The following ZNF280D variants were observed in gnomAD, a reference collection of about 807,000 sequenced individuals.
ZNF280D encodes suppressor of hairy wing homolog 4.
ZNF280D carries 39 observed loss-of-function variants against 94.7 expected under a neutral mutation model. That is an observed-to-expected ratio of 0.41 (90% CI 0.32 to 0.54). The LOEUF (loss-of-function observed/expected upper bound fraction) is 0.54. Among genes scored for constraint, ZNF280D ranks in the 20% least tolerant of loss-of-function variants. The pLI is 0.22. For missense variants in ZNF280D, 1,090 were observed against 1,149.3 expected, an observed-to-expected ratio of 0.95 and a Z score of 0.75; for synonymous variants, 398 against 377.6, an observed-to-expected ratio of 1.05 and a Z score of -0.63.
At chr15:56,731,588 G>C (rs1354700929) in intron 1 of ZNF280D, among the ~76,000 whole-genome samples, 1 of 150,252 alleles carries the variant, frequency 6.7e-6, no homozygotes, top group Non-Finnish European at 1.5e-5. Flanking sequence ...CACCACGTTA[G>C]ATTTTAAGGA....
chr15:56,715,305 T>C (rs1210765381), intron 1 of ZNF280D, among the ~76,000 whole-genome samples: 5 of 152,112 alleles, frequency 3.3e-5, no homozygotes, highest in Non-Finnish European at 7.4e-5. Flanking sequence ...ACATGTTTAC[T>C]GAAAATGGTT....
intron 4 of ZNF280D, among the ~76,000 whole-genome samples, chr15:56,702,986 C>A (rs1257772600): frequency 1.3e-5 from 2 of 150,740 alleles, no homozygotes; most frequent in South Asian, 2.1e-4. Context: ...ACATAAAATT[C>A]TTTGGTAAAT....
intron 3 of ZNF280D, among the ~76,000 whole-genome samples, chr15:56,705,601 C>T (rs1172796241): frequency 6.6e-6 from 1 of 152,170 alleles, no homozygotes; most frequent in Non-Finnish European, 1.5e-5. Flanking sequence ...CACCTAAAAT[C>T]AAGTGGATAC....
At chr15:56,674,716 A>G (rs1438031349) in intron 13 of ZNF280D, among the ~76,000 whole-genome samples, 2 of 152,114 alleles carry the variant, frequency 1.3e-5, no homozygotes, top group African/African-American at 4.8e-5. Flanking sequence ...CTGCTGCCAT[A>G]AGGTAAGTAA....
intron 6 of ZNF280D, among the ~76,000 whole-genome samples, chr15:56,696,639 A>G (rs970346915): frequency 3.5e-4 from 53 of 152,336 alleles, no homozygotes; most frequent in Non-Finnish European, 7.1e-4. Context: ...CACACAAAAT[A>G]TGACATAAAA....
chr15:56,717,598 A>G (rs1468987842), intron 1 of ZNF280D, among the ~76,000 whole-genome samples: 1 of 152,060 alleles, frequency 6.6e-6, no homozygotes. Context: ...TTATAAAATA[A>G]TTGTAATTAG....
intron 20 of ZNF280D, among the ~76,000 whole-genome samples, 172 bp downstream of exon 20, chr15:56,642,780 C>T (rs1450139638): frequency 6.6e-6 from 1 of 151,502 alleles, no homozygotes; most frequent in Non-Finnish European, 1.5e-5. Flanking sequence ...TTACTTAGGG[C>T]TAGATATTTT....
At chr15:56,683,359 TA>T (rs376795884) in intron 9 of ZNF280D, among the ~76,000 whole-genome samples, 1,639 of 152,188 alleles carry the variant, frequency 0.011, 20 homozygotes, top group African/African-American at 0.037. Flanking sequence ...AGCTTAGATT[TA>T]AGGTTTTATA....
intron 20 of ZNF280D, among the ~76,000 whole-genome samples, chr15:56,639,743 A>C (rs894436197): frequency 2.6e-5 from 4 of 152,194 alleles, no homozygotes; most frequent in Admixed American, 6.6e-5. Context: ...AAAGATGCAC[A>C]CCTTCTCAGG....
intron 1 of ZNF280D, among the ~76,000 whole-genome samples, chr15:56,708,594 C>T (rs1204188870): frequency 1.3e-5 from 2 of 152,094 alleles, no homozygotes; most frequent in African/African-American, 4.8e-5. Context: ...TGAAAGATAC[C>T]TGACTTCAAA....
intron 19 of ZNF280D, among the ~76,000 whole-genome samples, chr15:56,650,027 T>C (rs1265657590): frequency 6.6e-6 from 1 of 152,062 alleles, no homozygotes; most frequent in African/African-American, 2.4e-5. Context: ...ATATACATGA[T>C]ATTAGTGGTT....
chr15:56,633,523 C>T lies in ZNF280D; in HGVS notation c.2316-1401G>A, dbSNP rs183609077. The stretch of plus-strand genomic sequence containing the variant: ...TTTTTTTTGAGGGGGGACAGTCTCA[C>T]TGTGACGTCCAGGGTGGGGTGCAGT... On this transcript the variant is annotated intron_variant, in intron 21 of 21. Transcript: ENST00000267807. 2.6e-5 allele frequency among the ~76,000 whole-genome samples: 4 copies of T among 151,768 alleles called. No individual in the cohort carries two copies. The South Asian group carries it at 6.2e-4, about 24-fold the overall frequency.
intron 19 of ZNF280D, among the ~76,000 whole-genome samples, chr15:56,650,084 G>A (rs2053120366): frequency 6.6e-6 from 1 of 152,014 alleles, no homozygotes; most frequent in South Asian, 2.1e-4. Flanking sequence ...AAAAAATGTG[G>A]ATTCAGTGTC....
intron 20 of ZNF280D, among the ~76,000 whole-genome samples, chr15:56,642,205 A>T (rs2052663165): frequency 6.6e-6 from 1 of 151,812 alleles, no homozygotes; most frequent in South Asian, 2.1e-4. Context: ...TGTTAAAGAA[A>T]TTTGTAGTTG....
intron 1 of ZNF280D, among the ~76,000 whole-genome samples, chr15:56,711,695 C>T (rs2057767526): frequency 6.6e-6 from 1 of 152,108 alleles, no homozygotes; most frequent in Admixed American, 6.5e-5. Flanking sequence ...GATCCCAATT[C>T]TGTTATACTG....
At position 56,731,222 on chromosome 15, in the gene ZNF280D, G is replaced by A. The variant is rs936216299; in HGVS notation, c.-86+2236C>T. Among the ~76,000 whole-genome samples the A allele has an allele frequency of 5.3e-5, 8 of 152,182 alleles. 1 individual carries two copies. The highest frequency in any genetic ancestry group is 4.6e-4 in the Admixed American group (7 of 15,294). On this transcript the variant is annotated intron_variant, in intron 1 of 21. Coordinates refer to ENST00000267807, the MANE Select transcript of ZNF280D (RefSeq NM_017661.4). ...CAGGTCTCTTCAAAAGGTCAATTTC[G>A]CCCAGTGCTGTGGCTCACATCTGTA...
chr15:56,710,763 G>A (rs554283), intron 1 of ZNF280D, among the ~76,000 whole-genome samples: 2,175 of 151,974 alleles, frequency 0.014, 49 homozygotes, highest in African/African-American at 0.05. Context: ...TACTGCTGCC[G>A]TGTTAAATAA....
rs1438431455 is a variant in ZNF280D at position 56,733,480 on chromosome 15, G to A, written c.-108C>T. 2.7e-6 allele frequency: 3 copies of A among 1,124,702 alleles called. No individual in the cohort carries two copies. In the African/African-American group the frequency reaches 5.2e-5, roughly 19 times the overall value. The allele number at this position is 1,124,702 out of a possible 1,614,324, so 69.7% of individuals were successfully genotyped here. A position where few individuals can be genotyped will look rare whatever the true frequency, so the allele number is the denominator to read the frequency against. On this transcript the variant is annotated 5_prime_UTR_variant, in exon 1 of 22. Transcript: ENST00000267807. The stretch of plus-strand genomic sequence containing the variant: ...TACCGTGAGCGGAGCGGATCGGCCT[G>A]ACTGGAGCCCTGAGGAGGAGGAGAA...
intron 1 of ZNF280D, among the ~76,000 whole-genome samples, chr15:56,712,896 A>G (rs1302179714): frequency 2.6e-5 from 4 of 151,876 alleles, no homozygotes; most frequent in African/African-American, 7.3e-5. Flanking sequence ...GCGCACCATC[A>G]TGCCCAACTA....
Sources: gnomAD v4.1 joint callset for allele counts (sites outside exome capture counted in the v4.1 genomes callset) on GRCh38, gnomAD v4.1.1 for gene constraint, MANE v1.5 for transcripts, NCBI Gene and HGNC (gene_info 2026-07-23, HGNC 2026-07-21) for gene names.